Variants in LAMC3 observed in about 807,000 individuals in gnomAD.
LAMC3 encodes the protein laminin subunit gamma 3.
In LAMC3, 128 loss-of-function variants were observed where a neutral mutation model predicts 173.8. The observed-to-expected ratio is 0.74, with a 90% confidence interval of 0.64 to 0.85. The LOEUF (loss-of-function observed/expected upper bound fraction) is 0.85. Among genes scored for constraint, LAMC3 ranks in the 40% least tolerant of loss-of-function variants. The pLI is 0.00. For synonymous variants in LAMC3, 897 were observed against 909.1 expected, an observed-to-expected ratio of 0.99 and a Z score of 0.24; for missense variants, 2,022 against 2,156.0, an observed-to-expected ratio of 0.94 and a Z score of 1.23.
intron 23 of LAMC3, among the ~76,000 whole-genome samples, chr9:131,081,519 G>A (rs1054414315): frequency 7.8e-6 from 1 of 128,594 alleles, no homozygotes; most frequent in African/African-American, 3.0e-5. Context: ...CACCCAGGCT[G>A]GAGTGCAGTG....
Position 131,057,089 on chromosome 9 carries a change from C to T in LAMC3, c.2100C>T (p.Pro700=). ...GYKREMPQGG[P]YASCVPCTCN... is the part of the protein sequence containing the mutation. ...AGAGGGAGATGCCACAGGGGGGTCCCTATGCCAGCTGTGTCCCCTGCACCT... is the reference window on the plus strand; with the variant it reads ...AGAGGGAGATGCCACAGGGGGGTCCTTATGCCAGCTGTGTCCCCTGCACCT... Residue 700 remains proline, a synonymous_variant, in exon 12 of 28, where the codon CCC becomes CCT. Transcript: ENST00000361069. The T allele has an allele frequency of 6.2e-7, 1 of 1,614,180 alleles. No individual in the cohort carries two copies. Among genetic ancestry groups the T allele is most frequent in the Non-Finnish European group, 8.5e-7 (1 of 1,180,038 alleles).
intron 3 of LAMC3, among the ~76,000 whole-genome samples, chr9:131,033,616 CAG>C (rs1299742443): frequency 6.6e-6 from 1 of 152,048 alleles, no homozygotes; most frequent in East Asian, 1.9e-4. Context: ...AGGGTAGTAA[CAG>C]AGTCAGATTT....
chr9:131,032,464 TTCGCTCTCGCTCTCTTTCTC>T (rs1297354789), intron 3 of LAMC3, among the ~76,000 whole-genome samples: 10 of 146,034 alleles, frequency 6.8e-5, no homozygotes, highest in Middle Eastern at 3.5e-3. Context: ...CCTTCCTCCC[TTCGCTCTCGCTCTCTTTCTC>T]TCGCTCTCGC....
intron 7 of LAMC3, among the ~76,000 whole-genome samples, chr9:131,042,186 C>T (rs1054044581): frequency 3.3e-5 from 5 of 152,204 alleles, no homozygotes; most frequent in African/African-American, 1.2e-4. Context: ...ACACCCACAG[C>T]AGACATCACT....
chr9:131,015,033 T>G (rs1439727469), intron 1 of LAMC3, among the ~76,000 whole-genome samples: 1 of 152,210 alleles, frequency 6.6e-6, no homozygotes, highest in African/African-American at 2.4e-5. Context: ...TTCCAAGTGC[T>G]TCCAAGGCAT....
At position 131,026,281 on chromosome 9, in the gene LAMC3, G is replaced by A; in HGVS notation, c.374-4G>A. ...TAAAATGGGCCCCGTTTTCCTGGCTGCAGGGAAGGCTTATGAGATCACGTA... is the reference window on the plus strand; with the variant it reads ...TAAAATGGGCCCCGTTTTCCTGGCTACAGGGAAGGCTTATGAGATCACGTA... On this transcript the variant is annotated splice_region_variant and splice_polypyrimidine_tract_variant and intron_variant, in intron 1 of 27. Coordinates refer to ENST00000361069, the MANE Select transcript of LAMC3 (RefSeq NM_006059.4). The surrounding 1 kb of genome is among the most constrained non-coding windows in gnomAD (Gnocchi z 4.8). 6.2e-7 allele frequency: 1 copy of A among 1,614,052 alleles called. No individual in the cohort carries two copies. Among genetic ancestry groups the A allele is most frequent in the East Asian group, 2.2e-5 (1 of 44,882 alleles).
At chr9:131,050,248 G>C (rs774081219) in intron 9 of LAMC3, among the ~76,000 whole-genome samples, 3 of 152,258 alleles carry the variant, frequency 2.0e-5, no homozygotes, top group Non-Finnish European at 4.4e-5. Flanking sequence ...GGTGCTCTCA[G>C]GCCGGCCCGC....
chr9:131,045,492 G>C, intron 7 of LAMC3, 32 bp from the exon 8 acceptor site: 1 of 1,612,398 alleles, frequency 6.2e-7, no homozygotes, highest in Non-Finnish European at 8.5e-7. Context: ...GATTCACGTG[G>C]CCCTCGTGGG....
chr9:131,062,326 A>G (rs989891842), intron 13 of LAMC3, among the ~76,000 whole-genome samples: 7 of 152,078 alleles, frequency 4.6e-5, no homozygotes, highest in African/African-American at 1.7e-4. Flanking sequence ...GCGCCACTGC[A>G]CTCCAGCCGG....
chr9:131,077,467 A>G (rs1830151482), intron 22 of LAMC3, 133 bp downstream of exon 22: 5 of 1,132,996 alleles, frequency 4.4e-6, no homozygotes, highest in Non-Finnish European at 5.1e-6. Context: ...ACCTGAGGTC[A>G]GGAGTTTGAG....
intron 2 of LAMC3, among the ~76,000 whole-genome samples, chr9:131,027,931 C>T (rs965899324): frequency 6.6e-6 from 1 of 152,246 alleles, no homozygotes; most frequent in African/African-American, 2.4e-5. Context: ...TCTGTGTCCA[C>T]GTTGCTGTGT....
At chr9:131,031,505 G>GT (rs898008591) in intron 2 of LAMC3, among the ~76,000 whole-genome samples, 2 of 152,206 alleles carry the variant, frequency 1.3e-5, no homozygotes, top group African/African-American at 4.8e-5. Flanking sequence ...CCCTCAGCAT[G>GT]TGAGGAGCCA....
intron 3 of LAMC3, among the ~76,000 whole-genome samples, chr9:131,034,286 G>A (rs989156777): frequency 4.6e-5 from 7 of 152,198 alleles, no homozygotes; most frequent in Non-Finnish European, 7.4e-5. Flanking sequence ...GCAGTCCCTT[G>A]TGACTTCCCT....
At chr9:131,062,684 C>T (rs1026683036) in intron 13 of LAMC3, among the ~76,000 whole-genome samples, 2 of 151,924 alleles carry the variant, frequency 1.3e-5, no homozygotes, top group Non-Finnish European at 2.9e-5. Flanking sequence ...GCCTGGCCAA[C>T]GTGGCAAAAC....
intron 27 of LAMC3, among the ~76,000 whole-genome samples, chr9:131,090,878 A>C (rs1377790656): frequency 2.6e-5 from 4 of 152,136 alleles, no homozygotes. Flanking sequence ...AATACAAAAA[A>C]ATTAGCGGAG....
intron 12 of LAMC3, among the ~76,000 whole-genome samples, chr9:131,060,130 CAG>C (rs747354024): frequency 2.6e-5 from 4 of 152,208 alleles, no homozygotes; most frequent in Non-Finnish European, 5.9e-5. Context: ...AGGGCAGGAA[CAG>C]GGGTTCCCTC....
intron 27 of LAMC3, 119 bp downstream of exon 27, chr9:131,087,936 G>A (rs1357232859): frequency 1.4e-5 from 11 of 790,942 alleles, no homozygotes; most frequent in South Asian, 1.2e-4. Context: ...CATGCTTCCC[G>A]CATCCCCATC....
Position 131,051,665 on chromosome 9 carries a change from G to A in LAMC3, c.1631-826G>A, listed in dbSNP as rs762205576. ...GGCGTGAGCCACAATGCCAGGCTGC[G>A]TATTTTGTTCTTACGAGGACAGTGG... On this transcript the variant is annotated intron_variant, in intron 9 of 27. Transcript: ENST00000361069. Among the ~76,000 whole-genome samples the A allele has an allele frequency of 5.9e-5, 9 of 152,046 alleles. 1 individual carries two copies. Among genetic ancestry groups the A allele is most frequent in the African/African-American group, 2.2e-4 (9 of 41,418 alleles).
Position 131,026,633 on chromosome 9 carries a change from C to G in LAMC3, c.678+44C>G, listed in dbSNP as rs1330367984. 3 of 1,516,894 alleles carry G rather than the reference C, an allele frequency of 2.0e-6. No individual in the cohort carries two copies. Among genetic ancestry groups the G allele is most frequent in the Non-Finnish European group, 2.6e-6 (3 of 1,132,782 alleles). 94.0% of individuals were successfully genotyped at this position (1,516,894 alleles called of 1,614,324 possible). A position where few individuals can be genotyped will look rare whatever the true frequency, so the allele number is the denominator to read the frequency against. ...TTCGGAGGTTGGGACGGGGTTGGGA[C>G]TGGGTCACGGCAGTAGGAGGGTCTG... On this transcript the variant is annotated intron_variant, in intron 2 of 27. Transcript: ENST00000361069. The surrounding 1 kb of genome is among the most constrained non-coding windows in gnomAD (Gnocchi z 4.8).
Sources: gnomAD v4.1 joint callset for allele counts (sites outside exome capture counted in the v4.1 genomes callset) on GRCh38, gnomAD v4.1.1 for gene constraint, Gnocchi (gnomAD v3.1) non-coding constraint, MANE v1.5 for transcripts, NCBI Gene and HGNC (gene_info 2026-07-23, HGNC 2026-07-21) for gene names.